Variants in CAPN15 observed in about 807,000 individuals in gnomAD.
CAPN15 encodes the protein calpain-15.
A neutral mutation model predicts 97.9 loss-of-function variants in CAPN15; 53 were observed. The ratio of observed to expected loss-of-function variants is 0.54; its 90% CI spans 0.43 to 0.68. The LOEUF is 0.68. Among genes scored for constraint, CAPN15 ranks in the 30% least tolerant of loss-of-function variants. The pLI, the probability that CAPN15 is intolerant of heterozygous loss-of-function variation, is 0.00. For synonymous variants in CAPN15, 922 were observed against 722.5 expected (o/e 1.28, Z -4.43); for missense variants, 1,592 against 1,589.8 (o/e 1.00, Z -0.02).
chr16:550,725 AGGGT>A, intron 7 of CAPN15, among the ~76,000 whole-genome samples: 2 of 101,736 alleles, frequency 2.0e-5, no homozygotes, highest in Non-Finnish European at 3.9e-5. Context: ...CCTGTCGGTG[AGGGT>A]CCCCGTCGGT....
At position 553,497 on chromosome 16, in the gene CAPN15, A is replaced by G; in HGVS notation, c.3242A>G (p.His1081Arg). The G allele has an allele frequency of 6.2e-7, 1 of 1,607,744 alleles. No homozygotes were observed. The highest frequency in any genetic ancestry group is 8.5e-7 in the Non-Finnish European group (1 of 1,177,472). The change falls in exon 14 of 14, where the codon CAT (histidine) becomes CGT (arginine). Residue 1081 changes from histidine to arginine, a missense_variant. Physicochemically the swap from His to Arg is conservative, Grantham distance 29. Transcript: ENST00000219611. ...CTCACGCCAGAGGTCGCCGGTCTGCATGGGCCCCGACCGCTGTGACCACCA... is the reference window on the plus strand; with the variant it reads ...CTCACGCCAGAGGTCGCCGGTCTGCGTGGGCCCCGACCGCTGTGACCACCA... ...PPLTPEVAGL[H>R]GPRPL
At position 552,177 on chromosome 16, in the gene CAPN15, C is replaced by A; in HGVS notation, c.2472C>A (p.Ala824=). The change falls in exon 10 of 14, where the codon GCC becomes GCA. Residue 824 remains alanine (A), a synonymous_variant. Coordinates refer to ENST00000219611, the MANE Select transcript of CAPN15 (RefSeq NM_005632.3). The surrounding 1 kb of genome is among the most constrained non-coding windows in gnomAD (Gnocchi z 6.4). The stretch of plus-strand genomic sequence containing the variant: ...CAGCGCTCACGGTGCTGGAGCGGGC[C>A]TCGCTGGAGTTCGCGCTCTTCCAGG... ...GVTALTVLER[A]SLEFALFQEG... The A allele has an allele frequency of 6.5e-7, 1 of 1,539,742 alleles. No homozygotes were observed. Among genetic ancestry groups the A allele is most frequent in the East Asian group, 2.5e-5 (1 of 40,730 alleles).
At chr16:550,650 T>TGTCGGTGAGGGTCCCCG (rs892768902) in intron 7 of CAPN15, among the ~76,000 whole-genome samples, 2 of 141,804 alleles carry the variant, frequency 1.4e-5, no homozygotes, top group East Asian at 2.1e-4. Flanking sequence ...GAGGGTTCCC[T>TGTCGGTGAGGGTCCCCG]GTCGGTGAGG....
intron 3 of CAPN15, among the ~76,000 whole-genome samples, chr16:536,453 C>T (rs1430741687): frequency 3.3e-5 from 5 of 151,292 alleles, no homozygotes; most frequent in African/African-American, 7.3e-5. Context: ...GACGGAGTCT[C>T]GCTCTGTCGC....
intron 7 of CAPN15, 67 bp downstream of exon 7, chr16:549,905 G>A (rs2034869263): frequency 2.3e-6 from 3 of 1,299,906 alleles, no homozygotes; most frequent in Admixed American, 4.0e-5. Context: ...GGTGGGAGAT[G>A]TGGGGCTGGT....
chr16:551,993 G>C (rs902456288), intron 9 of CAPN15, 58 bp from the exon 10 acceptor site: 61 of 1,510,210 alleles, frequency 4.0e-5, no homozygotes, highest in Non-Finnish European at 5.5e-5. Context: ...GGTAGGCGCT[G>C]AGCCACGGAG....
intron 1 of CAPN15, among the ~76,000 whole-genome samples, chr16:528,459 G>A (rs1202505422): frequency 6.6e-6 from 1 of 152,204 alleles, no homozygotes; most frequent in African/African-American, 2.4e-5. Context: ...CCCCTCACTT[G>A]GGGAACGGCC....
At position 551,489 on chromosome 16, in the gene CAPN15, A is replaced by G. The variant is rs771647566; in HGVS notation, c.2193-23A>G. On this transcript the variant is annotated intron_variant, in intron 8 of 13. Coordinates refer to ENST00000219611, the MANE Select transcript of CAPN15 (RefSeq NM_005632.3). ...GTGAGACTCGGGCAGTGTGGTTCAG[A>G]TCCTCACCCCTGTGGTCTGCAGGCT... The G allele has an allele frequency of 7.1e-5, 114 of 1,603,926 alleles. No homozygotes were observed. In the South Asian group the frequency reaches 1.2e-3, roughly 17 times the overall value.
chr16:552,183 G>A lies in CAPN15; in HGVS notation c.2478G>A (p.Leu826=). 6.5e-7 allele frequency: 1 copy of A among 1,538,370 alleles called. No individual in the cohort carries two copies. The highest frequency in any genetic ancestry group is 1.4e-5 in the African/African-American group (1 of 72,908). ...TCACGGTGCTGGAGCGGGCCTCGCTGGAGTTCGCGCTCTTCCAGGAGGGCA... is the reference window on the plus strand; with the variant it reads ...TCACGGTGCTGGAGCGGGCCTCGCTAGAGTTCGCGCTCTTCCAGGAGGGCA... ...TALTVLERAS[L]EFALFQEGSR... Residue 826 remains leucine, a synonymous_variant, in exon 10 of 14, where the codon CTG becomes CTA. Transcript: ENST00000219611. The surrounding 1 kb of genome is among the most constrained non-coding windows in gnomAD (Gnocchi z 6.4).
chr16:552,811 G>A lies in CAPN15; in HGVS notation c.2904+40G>A. 6.5e-7 allele frequency: 1 copy of A among 1,544,292 alleles called. No individual in the cohort carries two copies. Among genetic ancestry groups the A allele is most frequent in the South Asian group, 1.2e-5 (1 of 82,396 alleles). On this transcript the variant is annotated intron_variant, in intron 12 of 13. Coordinates refer to ENST00000219611, the MANE Select transcript of CAPN15 (RefSeq NM_005632.3). This position sits in a 1 kb window ranked among gnomAD's most constrained non-coding sequence, Gnocchi z 6.4. Reference sequence around the variant, plus strand: ...CGGGGGAGGGTGGCGTGGGGCAGGGGGAGTATGCCCCAGCACCTCCCCTGC... The same window carrying A: ...CGGGGGAGGGTGGCGTGGGGCAGGGAGAGTATGCCCCAGCACCTCCCCTGC...
At chr16:545,300 GA>G (rs1375176819) in intron 3 of CAPN15, among the ~76,000 whole-genome samples, 1 of 148,760 alleles carries the variant, frequency 6.7e-6, no homozygotes, top group Non-Finnish European at 1.5e-5. Flanking sequence ...AACCAGGGCA[GA>G]AGGGCAGGGA....
intron 1 of CAPN15, chr16:528,715 C>G: frequency 1.0e-6 from 1 of 985,392 alleles, no homozygotes; most frequent in Non-Finnish European, 1.2e-6. Context: ...TGTTACCGGA[C>G]TGCAGGTAAC....
At chr16:536,794 G>C (rs2033767975) in intron 3 of CAPN15, 1 of 152,266 alleles carries the variant, frequency 6.6e-6, no homozygotes, top group Non-Finnish European at 1.5e-5. Flanking sequence ...AACACAGGGG[G>C]ACCCAGGACC....
chr16:541,814 T>A (rs1340526037), intron 3 of CAPN15, among the ~76,000 whole-genome samples: 2 of 152,130 alleles, frequency 1.3e-5, no homozygotes, highest in African/African-American at 4.8e-5. Flanking sequence ...CCTGTCTTGG[T>A]TTGCCTTGTG....
At position 552,511 on chromosome 16, in the gene CAPN15, G is replaced by C. The variant is rs58193217; in HGVS notation, c.2718G>C (p.Pro906=). 2,591 of 1,603,390 alleles carry C rather than the reference G, an allele frequency of 1.6e-3. 46 individuals are homozygous for C. The African/African-American group carries it at 0.03, about 19-fold the overall frequency. ...CAFNHWGPPL[P]GTPAPQASSP... is the part of the protein sequence containing the mutation. Reference sequence around the variant, plus strand: ...TCAACCACTGGGGGCCGCCCCTGCCGGGCACCCCTGCCCCCCAGGGTACGT... The same window carrying C: ...TCAACCACTGGGGGCCGCCCCTGCCCGGCACCCCTGCCCCCCAGGGTACGT... The change falls in exon 11 of 14, where the codon CCG becomes CCC. Residue 906 remains proline (P), a synonymous_variant. Transcript: ENST00000219611. This position sits in a 1 kb window ranked among gnomAD's most constrained non-coding sequence, Gnocchi z 6.4.
rs912770595 is a variant in CAPN15, at chr16:554,304, C to T, written c.*788C>T. 6 of 353,626 alleles carry T rather than the reference C, an allele frequency of 1.7e-5. No homozygotes were observed. Among genetic ancestry groups the T allele is most frequent in the Admixed American group, 3.8e-5 (1 of 26,558 alleles). 21.9% of individuals were successfully genotyped at this position (353,626 alleles called of 1,614,324 possible). A position where few individuals can be genotyped will look rare whatever the true frequency, so the allele number is the denominator to read the frequency against. ...CAGGGCTCAGCCGCTCCCACCTCCC[C>T]ACAGAAGCCCAGGAGTGTGTGGACG... On this transcript the variant is annotated 3_prime_UTR_variant, in exon 14 of 14. Transcript: ENST00000219611.
intron 2 of CAPN15, among the ~76,000 whole-genome samples, chr16:534,518 G>A (rs2033556608): frequency 6.6e-6 from 1 of 152,170 alleles, no homozygotes; most frequent in Admixed American, 6.5e-5. Context: ...GGGAAGCCCT[G>A]TCCTCAGCCC....
At chr16:553,116 C>CAT in intron 13 of CAPN15, 75 bp downstream of exon 13, 1 of 717,472 alleles carries the variant, frequency 1.4e-6, no homozygotes, top group Non-Finnish European at 2.1e-6. Flanking sequence ...ACACCCAACT[C>CAT]GTGCCCCCCC....
rs761441381 is a variant in CAPN15, at chr16:549,055, G to C, written c.1512G>C (p.Ala504=). The change falls in exon 5 of 14, where the codon GCG becomes GCC. Residue 504 remains alanine, a synonymous_variant. Coordinates refer to ENST00000219611, the MANE Select transcript of CAPN15 (RefSeq NM_005632.3). The part of the protein sequence containing the change: ...PPGPESVGFP[A]GDSVQQRVRQ... ...GGCCCGAGTCTGTCGGCTTCCCCGC[G>C]GGTGACAGCGTGCAGCAGCGTGTGA... 1 of 1,612,750 alleles carries C rather than the reference G, an allele frequency of 6.2e-7. No homozygotes were observed. Among genetic ancestry groups the C allele is most frequent in the Non-Finnish European group, 8.5e-7 (1 of 1,179,954 alleles).
Sources: allele counts gnomAD v4.1 joint callset (sites outside exome capture counted in the v4.1 genomes callset), GRCh38; gene constraint gnomAD v4.1.1; non-coding constraint Gnocchi (gnomAD v3.1); transcripts MANE v1.5; gene names NCBI Gene and HGNC (gene_info 2026-07-23, HGNC 2026-07-21).